SETD2: variants seen among roughly 807,000 people sequenced by gnomAD.
SETD2 encodes the protein SET domain containing 2, histone lysine methyltransferase, also known as histone-lysine N-methyltransferase SETD2.
Under a neutral mutation model 242.1 loss-of-function variants are expected in SETD2, and 31 were observed. The ratio of observed to expected loss-of-function variants is 0.13; its 90% CI spans 0.10 to 0.17. SETD2 has a LOEUF of 0.17. Among genes scored for constraint, SETD2 ranks in the 10% least tolerant of loss-of-function variants. The pLI is 1.00. For synonymous variants in SETD2, 1,006 were observed against 1,066.5 expected (o/e 0.94, Z 1.11); for missense variants, 2,481 against 3,046.3 (o/e 0.81, Z 4.37).
intron 18 of SETD2, among the ~76,000 whole-genome samples, chr3:47,036,005 C>A (rs537715816): frequency 6.6e-6 from 1 of 152,252 alleles, no homozygotes; most frequent in Non-Finnish European, 1.5e-5. Flanking sequence ...ATGGATTGAA[C>A]GTAAGTGTGT....
intron 1 of SETD2, among the ~76,000 whole-genome samples, chr3:47,130,765 A>G (rs2043457312): frequency 6.6e-6 from 1 of 152,198 alleles, no homozygotes. Flanking sequence ...CTTTCAAAAA[A>G]CTACTACAGA....
chr3:47,104,783 C>T (rs1254852381), intron 6 of SETD2, among the ~76,000 whole-genome samples: 1 of 152,080 alleles, frequency 6.6e-6, no homozygotes, highest in Non-Finnish European at 1.5e-5. Flanking sequence ...AAATAAAGAC[C>T]AAGATGGGCT....
chr3:47,113,570 C>G (rs1382690134), intron 5 of SETD2, among the ~76,000 whole-genome samples: 1 of 152,146 alleles, frequency 6.6e-6, no homozygotes, highest in Non-Finnish European at 1.5e-5. Flanking sequence ...CGCGACGGCT[C>G]ACACCTGTAA....
chr3:47,156,445 T>C (rs529529881), intron 1 of SETD2, among the ~76,000 whole-genome samples: 1 of 152,332 alleles, frequency 6.6e-6, no homozygotes, highest in East Asian at 1.9e-4. Context: ...AACACAGTTG[T>C]ATCAACAGTT....
chr3:47,159,149 T>C (rs1195487713), intron 1 of SETD2, among the ~76,000 whole-genome samples: 1 of 152,146 alleles, frequency 6.6e-6, no homozygotes, highest in African/African-American at 2.4e-5. Flanking sequence ...CCTTCTCTCT[T>C]TCTACCAAGG....
chr3:47,059,152 TG>T (rs1341649144), intron 14 of SETD2, among the ~76,000 whole-genome samples: 1 of 142,316 alleles, frequency 7.0e-6, no homozygotes, highest in Non-Finnish European at 1.5e-5. Flanking sequence ...GTCTCATTCT[TG>T]TCACCCAGAC....
intron 18 of SETD2, among the ~76,000 whole-genome samples, chr3:47,037,264 A>C (rs1236954842): frequency 7.0e-6 from 1 of 143,104 alleles, no homozygotes; most frequent in African/African-American, 2.6e-5. Context: ...ATATCTCCTA[A>C]TGCTATCCCT....
At chr3:47,141,400 G>T (rs1349825347) in intron 1 of SETD2, among the ~76,000 whole-genome samples, 1 of 152,084 alleles carries the variant, frequency 6.6e-6, no homozygotes, top group East Asian at 1.9e-4. Context: ...CACATTAAAT[G>T]AGAATACAAA....
intron 1 of SETD2, among the ~76,000 whole-genome samples, chr3:47,153,734 C>T (rs903999598): frequency 3.4e-5 from 5 of 148,058 alleles, no homozygotes; most frequent in Non-Finnish European, 7.4e-5. Flanking sequence ...GCCTAGGTGA[C>T]AAGGGAGGCC....
chr3:47,046,743 T>G lies in SETD2; in HGVS notation c.6964-122A>C, dbSNP rs903685042. ...AACATTTTAAAATTTTTTGTTTATATATTTGGACATAAATGTGCAAAACAA... is the reference window on the plus strand; with the variant it reads ...AACATTTTAAAATTTTTTGTTTATAGATTTGGACATAAATGTGCAAAACAA... On this transcript the variant is annotated intron_variant, in intron 15 of 20. Transcript: ENST00000409792. The G allele has an allele frequency of 3.9e-5, 32 of 818,898 alleles. No individual in the cohort carries two copies. The African/African-American group carries it at 5.0e-4, about 13-fold the overall frequency. 50.7% of individuals were successfully genotyped at this position (818,898 alleles called of 1,614,324 possible). A position where few individuals can be genotyped will look rare whatever the true frequency, so the allele number is the denominator to read the frequency against.
chr3:47,042,751 G>A (rs1253923487), intron 16 of SETD2, 51 bp from the exon 17 acceptor site: 7 of 1,509,944 alleles, frequency 4.6e-6, no homozygotes, highest in Non-Finnish European at 6.2e-6. Flanking sequence ...TCTTAATCTG[G>A]CTGAATAGGA....
At chr3:47,164,243 T>C (rs1022632551), upstream of SETD2, among the ~76,000 whole-genome samples, 12 of 152,150 alleles carry the variant, frequency 7.9e-5, no homozygotes. This position sits in a 1 kb window ranked among gnomAD's most constrained non-coding sequence, Gnocchi z 5.4. Context: ...GCTGTTGGCT[T>C]GACCCCAGGC....
intron 18 of SETD2, among the ~76,000 whole-genome samples, chr3:47,024,288 A>C (rs6442053): frequency 0.95 from 144,746 of 152,006 alleles, 69,352 homozygotes; most frequent in East Asian, 1. Context: ...CTGGCTAACG[A>C]GGTGAAACAC....
chr3:47,112,206 T>C (rs536283110), intron 5 of SETD2, among the ~76,000 whole-genome samples: 1 of 148,588 alleles, frequency 6.7e-6, no homozygotes, highest in Non-Finnish European at 1.5e-5. Flanking sequence ...CTCCTCCTCG[T>C]GGGTTCAAGC....
chr3:47,097,119 T>C lies in SETD2; in HGVS notation c.5142+836A>G, dbSNP rs181343903. On this transcript the variant is annotated intron_variant, in intron 9 of 20. Transcript: ENST00000409792. ...ATCTATAGTTCTTATGAGTATTAAGTTCCTGAAAAGTCCAGGAATGAGCTA... is the reference window on the plus strand; with the variant it reads ...ATCTATAGTTCTTATGAGTATTAAGCTCCTGAAAAGTCCAGGAATGAGCTA... 5.3e-5 allele frequency among the ~76,000 whole-genome samples: 8 copies of C among 152,290 alleles called. No individual in the cohort carries two copies. The East Asian group carries it at 1.3e-3, about 26-fold the overall frequency.
intron 1 of SETD2, among the ~76,000 whole-genome samples, chr3:47,154,233 AC>A (rs2044071103): frequency 6.6e-6 from 1 of 151,906 alleles, no homozygotes; most frequent in Admixed American, 6.6e-5. Context: ...ACATGGTGAA[AC>A]CCCGTCTCTA....
At chr3:47,154,943 G>A (rs1195872063) in intron 1 of SETD2, among the ~76,000 whole-genome samples, 3 of 151,558 alleles carry the variant, frequency 2.0e-5, no homozygotes, top group African/African-American at 4.9e-5. Context: ...GCAGTGAGCC[G>A]AGATCGCACC....
At position 47,154,550 on chromosome 3, in the gene SETD2, T is replaced by C. The variant is rs553304691; in HGVS notation, c.71+9304A>G. ...AATAAAAACCAAAAAAAGGAAAAGA[T>C]CTCGAAAAATACATTAAGTTCTTGG... On this transcript the variant is annotated intron_variant, in intron 1 of 20. Coordinates refer to ENST00000409792, the MANE Select transcript of SETD2 (RefSeq NM_014159.7). Among the ~76,000 whole-genome samples the C allele has an allele frequency of 9.9e-5, 15 of 152,032 alleles. No homozygotes were observed. In the South Asian group the frequency reaches 2.7e-3, roughly 27 times the overall value.
intron 17 of SETD2, 109 bp downstream of exon 17, chr3:47,042,452 A>C: frequency 9.7e-7 from 1 of 1,026,092 alleles, no homozygotes; most frequent in East Asian, 2.4e-5. Context: ...CTTCAAGCAC[A>C]GTGAAAAGCT....
Sources: allele counts gnomAD v4.1 joint callset (sites outside exome capture counted in the v4.1 genomes callset), GRCh38; gene constraint gnomAD v4.1.1; non-coding constraint Gnocchi (gnomAD v3.1); transcripts MANE v1.5; gene names NCBI Gene and HGNC (gene_info 2026-07-23, HGNC 2026-07-21).